GRB14: variants seen among roughly 807,000 people sequenced by gnomAD.
GRB14 encodes the protein growth factor receptor bound protein 14.
A neutral mutation model predicts 69.1 loss-of-function variants in GRB14; 38 were observed. The observed-to-expected ratio is 0.55, with a 90% CI of 0.42 to 0.72. The LOEUF is 0.72. GRB14 is among the 30% of genes least tolerant of loss of function. The pLI is 0.00. For synonymous variants in GRB14, 247 were observed against 241.3 expected, an observed-to-expected ratio of 1.02 and a Z score of -0.22; for missense variants, 666 against 666.1, an observed-to-expected ratio of 1.00 and a Z score of 0.00.
intron 6 of GRB14, among the ~76,000 whole-genome samples, chr2:164,514,301 G>A (rs1247994879): frequency 6.6e-6 from 1 of 152,176 alleles, no homozygotes; most frequent in Non-Finnish European, 1.5e-5. Flanking sequence ...TACAAGGAAA[G>A]CCAACAGAAT....
intron 2 of GRB14, among the ~76,000 whole-genome samples, chr2:164,601,575 T>A (rs900950503): frequency 6.6e-6 from 1 of 152,178 alleles, no homozygotes; most frequent in Admixed American, 6.5e-5. Context: ...TCAGGCATAA[T>A]CTGTATATTT....
At chr2:164,506,418 C>A (rs933261342) in intron 8 of GRB14, among the ~76,000 whole-genome samples, 11 of 152,068 alleles carry the variant, frequency 7.2e-5, no homozygotes. Flanking sequence ...ACTAGAATGA[C>A]CATAATTGAC....
At chr2:164,561,397 C>T (rs1002533106) in intron 2 of GRB14, among the ~76,000 whole-genome samples, 1 of 152,004 alleles carries the variant, frequency 6.6e-6, no homozygotes, top group Non-Finnish European at 1.5e-5. Flanking sequence ...CCCAAGAGAC[C>T]CCTACAGTCC....
At chr2:164,543,460 C>A (rs1056493373) in intron 3 of GRB14, among the ~76,000 whole-genome samples, 1 of 152,150 alleles carries the variant, frequency 6.6e-6, no homozygotes, top group Non-Finnish European at 1.5e-5. Context: ...TTATCCTAAG[C>A]AAGTTAACAC....
chr2:164,535,675 C>G (rs1312613424), intron 3 of GRB14, among the ~76,000 whole-genome samples: 1 of 152,138 alleles, frequency 6.6e-6, no homozygotes, highest in African/African-American at 2.4e-5. Context: ...AGCCTCTGGC[C>G]AAGCAAAACA....
At chr2:164,571,757 A>C (rs2105330879) in intron 2 of GRB14, among the ~76,000 whole-genome samples, 1 of 152,316 alleles carries the variant, frequency 6.6e-6, no homozygotes, top group South Asian at 2.1e-4. Context: ...CTTGGGTTTA[A>C]GCACATACTG....
In GRB14 at chr2:164,504,295, T is replaced by C. The variant is rs983878990; in HGVS notation, c.1024-1960A>G. Among the ~76,000 whole-genome samples the C allele has an allele frequency of 2.4e-4, 36 of 152,164 alleles. 1 individual carries two copies. The highest frequency in any genetic ancestry group is 6.2e-4 in the South Asian group (3 of 4,804). On this transcript the variant is annotated intron_variant, in intron 8 of 13. Transcript: ENST00000263915. ...GGCACTCTCGGTTTAGCCAAGATAATATCTCCTTGTTCATTCCCGCTAAGT... is the reference window on the plus strand; with the variant it reads ...GGCACTCTCGGTTTAGCCAAGATAACATCTCCTTGTTCATTCCCGCTAAGT...
At chr2:164,587,600 C>G (rs1301643225) in intron 2 of GRB14, among the ~76,000 whole-genome samples, 1 of 152,048 alleles carries the variant, frequency 6.6e-6, no homozygotes, top group Admixed American at 6.6e-5. Flanking sequence ...TACATACTAA[C>G]AAATAATATT....
intron 6 of GRB14, among the ~76,000 whole-genome samples, chr2:164,515,311 C>T (rs1425871679): frequency 6.6e-6 from 1 of 152,214 alleles, no homozygotes; most frequent in Admixed American, 6.5e-5. Context: ...GAGTCCACTT[C>T]ACTCCCCTGC....
chr2:164,495,749 G>T (rs1036385202), intron 12 of GRB14, among the ~76,000 whole-genome samples: 2 of 152,188 alleles, frequency 1.3e-5, no homozygotes, highest in Admixed American at 6.5e-5. Flanking sequence ...TGGGACAAAA[G>T]GGCGTTTCAC....
At chr2:164,566,264 G>T (rs974886563) in intron 2 of GRB14, among the ~76,000 whole-genome samples, 6 of 151,908 alleles carry the variant, frequency 3.9e-5, no homozygotes, top group African/African-American at 7.3e-5. Flanking sequence ...GTGTGACCAG[G>T]GCAGATGGAT....
chr2:164,521,158 A>G (rs1256819855), intron 6 of GRB14, among the ~76,000 whole-genome samples: 5 of 152,020 alleles, frequency 3.3e-5, no homozygotes, highest in Non-Finnish European at 7.4e-5. Flanking sequence ...AGACAGACAG[A>G]TAGATAGACA....
In GRB14 at chr2:164,493,094, A is replaced by G. The variant is rs1186563849; in HGVS notation, c.1565T>C (p.Leu522Pro). The change falls in exon 14 of 14, where the codon CTC becomes CCC. Residue 522 changes from leucine to proline, a missense_variant. Physicochemically the swap from Leu to Pro is moderately conservative, Grantham distance 98. Transcript: ENST00000263915. ...DLIQLVEFYQ[L>P]NKGVLPCKLK... ...CTTGCAAGGAAGAACGCCCTTATTG[A>G]GTTGATAGAACTCCACCAGCTGTAT... The G allele has an allele frequency of 6.2e-7, 1 of 1,613,662 alleles. No individual in the cohort carries two copies. Among genetic ancestry groups the G allele is most frequent in the Non-Finnish European group, 8.5e-7 (1 of 1,179,674 alleles).
rs372259155 is a variant in GRB14 at position 164,547,633 on chromosome 2, T to A, written c.481+27A>T. 7 of 1,580,582 alleles carry A rather than the reference T, an allele frequency of 4.4e-6. No homozygotes were observed. The African/African-American group carries it at 9.4e-5, about 21-fold the overall frequency. ...TGAACAAGAAATAGAAAAGCAATGA[T>A]GTGAGACAATAACTCCGTATCCTTA... On this transcript the variant is annotated intron_variant, in intron 3 of 13. Coordinates refer to ENST00000263915, the MANE Select transcript of GRB14 (RefSeq NM_004490.3).
intron 3 of GRB14, among the ~76,000 whole-genome samples, chr2:164,545,835 T>C (rs1368514368): frequency 6.6e-6 from 1 of 152,184 alleles, no homozygotes; most frequent in Non-Finnish European, 1.5e-5. Context: ...CTCACTCTAG[T>C]AGAACGAATT....
intron 2 of GRB14, among the ~76,000 whole-genome samples, chr2:164,563,893 C>A (rs1019852075): frequency 4.0e-5 from 6 of 151,896 alleles, no homozygotes; most frequent in Admixed American, 2.0e-4. Context: ...CCAAGATATA[C>A]AAAAATAAAC....
chr2:164,532,881 A>G (rs957757390), intron 3 of GRB14, among the ~76,000 whole-genome samples: 1 of 152,156 alleles, frequency 6.6e-6, no homozygotes, highest in Admixed American at 6.5e-5. Context: ...ATGTATATGG[A>G]CCCACCCTCT....
intron 2 of GRB14, among the ~76,000 whole-genome samples, chr2:164,603,599 G>A (rs1689975012): frequency 6.6e-6 from 1 of 151,542 alleles, no homozygotes. Context: ...GGAGGCAGAG[G>A]TTGCAGTGAG....
At chr2:164,566,399 A>G (rs2105326706) in intron 2 of GRB14, among the ~76,000 whole-genome samples, 1 of 152,270 alleles carries the variant, frequency 6.6e-6, no homozygotes, top group Admixed American at 6.5e-5. Flanking sequence ...TAAATTATAT[A>G]AACACCAAAA....
Sources: allele counts gnomAD v4.1 joint callset (sites outside exome capture counted in the v4.1 genomes callset), GRCh38; gene constraint gnomAD v4.1.1; transcripts MANE v1.5; gene names NCBI Gene and HGNC (gene_info 2026-07-23, HGNC 2026-07-21).